LRRTM4: variants seen among roughly 807,000 people sequenced by gnomAD.
LRRTM4 encodes the protein leucine-rich repeat transmembrane neuronal protein 4.
In LRRTM4, 25 loss-of-function variants were observed where a neutral mutation model predicts 47.6. The ratio of observed to expected loss-of-function variants is 0.53; its 90% CI spans 0.38 to 0.73. The LOEUF (loss-of-function observed/expected upper bound fraction) is 0.73. LRRTM4 is among the 30% of genes least tolerant of loss of function. The probability of loss-of-function intolerance (pLI) is 0.00; values close to 1 mark genes in which losing one functional copy is unlikely to be tolerated. For missense variants in LRRTM4, 638 were observed against 713.4 expected (o/e 0.89, Z 1.20); for synonymous variants, 311 against 269.5 (o/e 1.15, Z -1.51).
chr2:76,985,651 C>T (rs1314833192), intron 3 of LRRTM4, among the ~76,000 whole-genome samples: 1 of 151,854 alleles, frequency 6.6e-6, no homozygotes, highest in Non-Finnish European at 1.5e-5. Flanking sequence ...GTTAAGGAAT[C>T]CAGGAAGTTA....
At chr2:77,170,176 G>C (rs1673007338) in intron 3 of LRRTM4, among the ~76,000 whole-genome samples, 1 of 152,036 alleles carries the variant, frequency 6.6e-6, no homozygotes, top group African/African-American at 2.4e-5. Flanking sequence ...TATATAGGTG[G>C]GTCCAGTCTA....
Position 77,521,522 on chromosome 2 carries a change from T to C in LRRTM4, c.4+146A>G, listed in dbSNP as rs1350721815. On this transcript the variant is annotated intron_variant, in intron 2 of 3. Coordinates refer to ENST00000409884, the MANE Select transcript of LRRTM4 (RefSeq NM_001134745.3). Reference sequence around the variant, plus strand: ...AAAGGAAAATGATCTAAAAATATAATAGCAACTATAGTGAATCAACTGGCA... The same window carrying C: ...AAAGGAAAATGATCTAAAAATATAACAGCAACTATAGTGAATCAACTGGCA... 3 of 814,950 alleles carry C rather than the reference T, an allele frequency of 3.7e-6. No individual in the cohort carries two copies. In the African/African-American group the frequency reaches 5.2e-5, roughly 14 times the overall value. The allele number at this position is 814,950 out of a possible 1,614,324, so 50.5% of individuals were successfully genotyped here.
At chr2:76,931,172 T>A (rs889856051) in intron 3 of LRRTM4, among the ~76,000 whole-genome samples, 1 of 152,186 alleles carries the variant, frequency 6.6e-6, no homozygotes, top group African/African-American at 2.4e-5. Context: ...TATTTACTTT[T>A]TTATCAAGTC....
intron 3 of LRRTM4, among the ~76,000 whole-genome samples, chr2:76,947,571 G>A (rs973737411): frequency 1.3e-5 from 2 of 151,394 alleles, no homozygotes; most frequent in South Asian, 4.2e-4. Context: ...ACCCTTTTTT[G>A]TAGGAATCAA....
chr2:77,168,138 G>A (rs909517403), intron 3 of LRRTM4, among the ~76,000 whole-genome samples: 2 of 151,924 alleles, frequency 1.3e-5, no homozygotes, highest in Admixed American at 6.6e-5. Flanking sequence ...AATGGAATCC[G>A]GTGATCTCTC....
intron 3 of LRRTM4, among the ~76,000 whole-genome samples, chr2:77,079,454 T>C (rs1680458920): frequency 6.6e-6 from 1 of 152,212 alleles, no homozygotes; most frequent in Non-Finnish European, 1.5e-5. Flanking sequence ...TATACAAGCT[T>C]GTGGCCAAGG....
chr2:76,849,771 A>G (rs1169096865), intron 3 of LRRTM4, among the ~76,000 whole-genome samples: 3 of 152,178 alleles, frequency 2.0e-5, no homozygotes, highest in African/African-American at 7.2e-5. Flanking sequence ...TTTATAATTA[A>G]AGGTTTCTCA....
intron 3 of LRRTM4, among the ~76,000 whole-genome samples, chr2:77,340,925 A>C (rs1671349860): frequency 6.6e-6 from 1 of 151,994 alleles, no homozygotes; most frequent in Admixed American, 6.6e-5. Flanking sequence ...ATCTCATAAA[A>C]TACCTCTGAG....
chr2:76,798,718 A>G (rs1331439058), intron 3 of LRRTM4, among the ~76,000 whole-genome samples: 2 of 150,938 alleles, frequency 1.3e-5, no homozygotes, highest in South Asian at 2.1e-4. Context: ...ACTAATAAAG[A>G]AGAAAAGAGA....
chr2:77,203,104 T>C (rs1216592923), intron 3 of LRRTM4, among the ~76,000 whole-genome samples: 1 of 151,746 alleles, frequency 6.6e-6, no homozygotes, highest in Non-Finnish European at 1.5e-5. Context: ...TATATATATA[T>C]ACACACACAT....
intron 3 of LRRTM4, among the ~76,000 whole-genome samples, chr2:77,219,746 T>C (rs1674565413): frequency 6.6e-6 from 1 of 152,168 alleles, no homozygotes; most frequent in Non-Finnish European, 1.5e-5. Flanking sequence ...GAGGTCACTT[T>C]GGTGGCAATA....
intron 3 of LRRTM4, among the ~76,000 whole-genome samples, chr2:77,023,023 C>T (rs1678329080): frequency 6.6e-6 from 1 of 152,236 alleles, no homozygotes; most frequent in Non-Finnish European, 1.5e-5. Context: ...CAAACTTCTG[C>T]CTGGACATCC....
chr2:77,099,244 T>G (rs1460708053), intron 3 of LRRTM4, among the ~76,000 whole-genome samples: 1 of 151,858 alleles, frequency 6.6e-6, no homozygotes. Flanking sequence ...AATGAAAACA[T>G]TAACTGTACT....
chr2:77,176,454 G>A (rs2103846524), intron 3 of LRRTM4, among the ~76,000 whole-genome samples: 1 of 152,288 alleles, frequency 6.6e-6, no homozygotes, highest in Admixed American at 6.5e-5. Context: ...ATCTTATAAT[G>A]TAGGCATTGC....
intron 3 of LRRTM4, among the ~76,000 whole-genome samples, chr2:76,916,909 T>G (rs1674271663): frequency 6.6e-6 from 1 of 152,224 alleles, no homozygotes; most frequent in Non-Finnish European, 1.5e-5. Context: ...ACCATCACAT[T>G]GCAAATAACA....
chr2:77,463,909 C>G (rs1040367084), intron 3 of LRRTM4, among the ~76,000 whole-genome samples: 1 of 152,090 alleles, frequency 6.6e-6, no homozygotes, highest in African/African-American at 2.4e-5. Flanking sequence ...GCTCTTTCCA[C>G]AGTTACTAGT....
At chr2:76,839,483 CTT>C (rs1328704385) in intron 3 of LRRTM4, among the ~76,000 whole-genome samples, 1 of 152,070 alleles carries the variant, frequency 6.6e-6, no homozygotes, top group Admixed American at 6.6e-5. Context: ...CAAGCAATAT[CTT>C]TTCTTTGTAG....
intron 3 of LRRTM4, among the ~76,000 whole-genome samples, chr2:77,037,801 T>G (rs1678888691): frequency 6.6e-6 from 1 of 151,750 alleles, no homozygotes. Flanking sequence ...ATGCAAATGA[T>G]AATAGATTGC....
At chr2:77,512,560 C>T (rs1252784157) in intron 3 of LRRTM4, among the ~76,000 whole-genome samples, 1 of 152,098 alleles carries the variant, frequency 6.6e-6, no homozygotes, top group African/African-American at 2.4e-5. Context: ...TAGTGATATA[C>T]AGGTTGCTTC....
Sources: gnomAD v4.1 joint callset for allele counts (sites outside exome capture counted in the v4.1 genomes callset) on GRCh38, gnomAD v4.1.1 for gene constraint, MANE v1.5 for transcripts, NCBI Gene and HGNC (gene_info 2026-07-23, HGNC 2026-07-21) for gene names.